ABR: variants seen among roughly 807,000 people sequenced by gnomAD.
ABR encodes ABR activator of RhoGEF and GTPase, also known as active breakpoint cluster region-related protein.
Under a neutral mutation model 107.2 loss-of-function variants are expected in ABR, and 35 were observed. The observed-to-expected ratio is 0.33, with a 90% CI of 0.25 to 0.43. The LOEUF (loss-of-function observed/expected upper bound fraction) is 0.43, where lower values mean the gene tolerates loss of function less well. Ranked by LOEUF, ABR falls within the 20% of genes least tolerant of loss-of-function variation. The pLI is 1.00. For missense variants in ABR, 815 were observed against 1,115.2 expected, an observed-to-expected ratio of 0.73 and a Z score of 3.83; for synonymous variants, 498 against 462.0, an observed-to-expected ratio of 1.08 and a Z score of -1.00.
intron 2 of ABR, among the ~76,000 whole-genome samples, chr17:1,106,725 T>G (rs937656845): frequency 1.3e-5 from 2 of 152,092 alleles, no homozygotes; most frequent in African/African-American, 4.8e-5. Context: ...AGATGTGGTT[T>G]CACTATATTG....
At position 1,116,873 on chromosome 17, in the gene ABR, A is replaced by G. The variant is rs542579586; in HGVS notation, c.246+8310T>C. 2.6e-5 allele frequency among the ~76,000 whole-genome samples: 4 copies of G among 152,280 alleles called. No homozygotes were observed. In the East Asian group the frequency reaches 7.7e-4, roughly 29 times the overall value. On this transcript the variant is annotated intron_variant, in intron 2 of 22. Coordinates refer to ENST00000302538, the MANE Select transcript of ABR (RefSeq NM_021962.5). ...GACCCAAGATCCAGGAAGGGGAGAA[A>G]TGCAGGGGCCGGCTGCTGGGGGGCG...
intron 1 of ABR, among the ~76,000 whole-genome samples, chr17:1,173,108 AACACATCACCTCAGTCCACCCCCC>A (rs1176861112): frequency 0.034 from 691 of 20,064 alleles, 50 homozygotes; most frequent in East Asian, 0.13. Flanking sequence ...CAGCCCACCC[AACACATCACCTCAGTCCACCCCCC>A]ACACATCACC....
chr17:1,195,620 C>T (rs1037412231), intron 1 of ABR, among the ~76,000 whole-genome samples: 108 of 150,996 alleles, frequency 7.2e-4, no homozygotes, highest in Middle Eastern at 7.0e-3. Context: ...CTGGCTAACA[C>T]GGTGAAACCC....
rs1429241417 is a variant in ABR, at chr17:1,203,453, GGGGCCCGCGGGGA to G, written c.838+25327_838+25339del. 6.7e-4 allele frequency among the ~76,000 whole-genome samples: 21 copies of G among 31,470 alleles called. 7 individuals are homozygous for G. In the East Asian group the frequency reaches 0.048, roughly 72 times the overall value. The allele number at this position is 31,470 out of a possible 152,430, so 20.6% of individuals were successfully genotyped here. ...CCGCGGGGACGGAGTCTGCGGGGGC[GGGGCCCGCGGGGA>G]CGGAGTCTGCGGGGGCGGGGCCCGC... On this transcript the variant is annotated intron_variant, in intron 1 of 22. Transcript: ENST00000574139.
chr17:1,015,397 G>A (rs974525855), intron 16 of ABR, among the ~76,000 whole-genome samples: 7 of 140,006 alleles, frequency 5.0e-5, no homozygotes, highest in Admixed American at 7.3e-5. Flanking sequence ...CCAGCCTGGC[G>A]ACAGAGTGAG....
intron 16 of ABR, among the ~76,000 whole-genome samples, chr17:1,014,052 T>C (rs1311934177): frequency 6.6e-6 from 1 of 152,250 alleles, no homozygotes; most frequent in Non-Finnish European, 1.5e-5. Context: ...CATGTCAATA[T>C]TGCCATCCTA....
chr17:1,130,484 C>A (rs1289852590), intron 1 of ABR, among the ~76,000 whole-genome samples: 1 of 152,034 alleles, frequency 6.6e-6, no homozygotes, highest in Non-Finnish European at 1.5e-5. Context: ...AGGGACACAG[C>A]CCCGCTCCTC....
intron 16 of ABR, among the ~76,000 whole-genome samples, chr17:1,024,599 A>G (rs1342788809): frequency 6.6e-6 from 1 of 152,084 alleles, no homozygotes; most frequent in African/African-American, 2.4e-5. Flanking sequence ...CAGCCTGCGC[A>G]ACATAACGAA....
chr17:1,031,848 G>GCCTCCCTCCCTCCCTCCCCGCGCGCC, intron 16 of ABR: 1 of 927,586 alleles, frequency 1.1e-6, no homozygotes. Flanking sequence ...CCCCGCGCTC[G>GCCTCCCTCCCTCCCTCCCCGCGCGCC]CCTCCCTCCC....
At position 1,010,773 on chromosome 17, in the gene ABR, G is replaced by A; in HGVS notation, c.2192C>T (p.Pro731Leu). ...LKLYFRELPE[P>L]LLTDRLYPAF... The stretch of plus-strand genomic sequence containing the variant: ...TGGGTAGAGTCGGTCCGTGAGGAGC[G>A]GCTCGGGCAGTTCCCGGAAGTACAG... The change falls in exon 20 of 23, where the codon CCG (proline) becomes CTG (leucine). Residue 731 changes from proline to leucine, a missense_variant. Transcript: ENST00000302538. The surrounding 1 kb of genome is among the most constrained non-coding windows in gnomAD (Gnocchi z 4.1). 4 of 1,613,758 alleles carry A rather than the reference G, an allele frequency of 2.5e-6. No homozygotes were observed. The highest frequency in any genetic ancestry group is 2.5e-6 in the Non-Finnish European group (3 of 1,180,014).
chr17:1,023,561 C>T lies in ABR; in HGVS notation c.1792-10397G>A, dbSNP rs188023228. Among the ~76,000 whole-genome samples the T allele has an allele frequency of 6.3e-4, 96 of 152,326 alleles. No homozygotes were observed. The East Asian group carries it at 0.015, about 24-fold the overall frequency. ...GGAACAGGCCAGGGCCAAAGCAACA[C>T]GGAGGCCCTGTCCTGAAAGGAAAGG... On this transcript the variant is annotated intron_variant, in intron 16 of 22. Transcript: ENST00000302538.
chr17:1,024,971 A>G (rs2072061723), intron 16 of ABR, among the ~76,000 whole-genome samples: 1 of 150,562 alleles, frequency 6.6e-6, no homozygotes, highest in Non-Finnish European at 1.5e-5. Flanking sequence ...AATACAAAAA[A>G]TTAGCTGGGC....
In ABR at chr17:1,203,397, CCGCGGGGGGCGGAG is replaced by C. The variant is rs2042713544; in HGVS notation, c.838+25382_838+25395del. ...GGGCGGGGCCTTGAGGGGGCGGGGC[CCGCGGGGGGCGGAG>C]TCTGCGGGGGCGGGGCCCGCGGGGA... On this transcript the variant is annotated intron_variant, in intron 1 of 22. Coordinates refer to the ABR transcript ENST00000574139. Among the ~76,000 whole-genome samples the C allele has an allele frequency of 1.3e-3, 44 of 33,374 alleles. 8 individuals are homozygous for C. Among genetic ancestry groups the C allele is most frequent in the Admixed American group, 6.1e-3 (29 of 4,792 alleles). 21.9% of individuals were successfully genotyped at this position (33,374 alleles called of 152,430 possible). A position where few individuals can be genotyped will look rare whatever the true frequency, so the allele number is the denominator to read the frequency against.
At position 1,022,015 on chromosome 17, in the gene ABR, G is replaced by A. The variant is rs779033605; in HGVS notation, c.1792-8851C>T. Among the ~76,000 whole-genome samples, 15 of 148,796 alleles carry A rather than the reference G, an allele frequency of 1.0e-4. No individual in the cohort carries two copies. The East Asian group carries it at 1.2e-3, about 12-fold the overall frequency. On this transcript the variant is annotated intron_variant, in intron 16 of 22. Transcript: ENST00000302538. Reference sequence around the variant, plus strand: ...CTCTACTAAAAATACAAAATTAGCCGGAAATCACTTGAACCCGGGAGGCAG... The same window carrying A: ...CTCTACTAAAAATACAAAATTAGCCAGAAATCACTTGAACCCGGGAGGCAG...
chr17:1,183,924 G>T (rs555762515), upstream of ABR, among the ~76,000 whole-genome samples: 1 of 152,140 alleles, frequency 6.6e-6, no homozygotes, highest in Admixed American at 6.5e-5. Context: ...TTAAAAGCTG[G>T]GACTGGCCAG....
intron 1 of ABR, among the ~76,000 whole-genome samples, chr17:1,209,345 C>A (rs988818412): frequency 2.7e-5 from 4 of 150,412 alleles, no homozygotes; most frequent in African/African-American, 9.8e-5. Context: ...GGTGTGATCT[C>A]GGCTCACCGC....
intron 1 of ABR, among the ~76,000 whole-genome samples, chr17:1,216,496 T>C (rs1306277106): frequency 2.0e-5 from 3 of 152,236 alleles, no homozygotes; most frequent in Non-Finnish European, 4.4e-5. Context: ...ACGTCCAGCC[T>C]GAAGGGGCCC....
chr17:1,171,158 A>T (rs1482811205), intron 1 of ABR, among the ~76,000 whole-genome samples: 2 of 152,208 alleles, frequency 1.3e-5, no homozygotes, highest in African/African-American at 4.8e-5. Flanking sequence ...CAAGTGACGA[A>T]GTCAATTGCG....
intron 4 of ABR, among the ~76,000 whole-genome samples, chr17:1,087,779 G>A (rs553812896): frequency 8.5e-5 from 13 of 152,292 alleles, no homozygotes; most frequent in East Asian, 5.8e-4. Flanking sequence ...CTGGAGGCCC[G>A]GGTTGGCACA....
Sources: allele counts gnomAD v4.1 joint callset (sites outside exome capture counted in the v4.1 genomes callset), GRCh38; gene constraint gnomAD v4.1.1; non-coding constraint Gnocchi (gnomAD v3.1); transcripts MANE v1.5; gene names NCBI Gene and HGNC (gene_info 2026-07-23, HGNC 2026-07-21).